Variants in LRRC8B observed in about 807,000 individuals in gnomAD.
LRRC8B encodes leucine rich repeat containing 8 VRAC subunit B.
Under a neutral mutation model 58.8 loss-of-function variants are expected in LRRC8B, and 23 were observed. The observed-to-expected ratio is 0.39, with a 90% CI of 0.28 to 0.55. The LOEUF (loss-of-function observed/expected upper bound fraction) is 0.55, where lower values mean the gene tolerates loss of function less well. LRRC8B is among the 20% of genes least tolerant of loss of function. The probability of loss-of-function intolerance (pLI) is 0.62; values close to 1 mark genes in which losing one functional copy is unlikely to be tolerated. For missense variants in LRRC8B, 694 were observed against 936.0 expected, an observed-to-expected ratio of 0.74 and a Z score of 3.37; for synonymous variants, 359 against 374.1, an observed-to-expected ratio of 0.96 and a Z score of 0.47.
At chr1:89,560,389 C>CTT (rs35250299) in intron 1 of LRRC8B, among the ~76,000 whole-genome samples, 39 of 148,806 alleles carry the variant, frequency 2.6e-4, no homozygotes, top group Admixed American at 1.1e-3. Context: ...TTTGGTATAT[C>CTT]TTTTTTTTTT....
rs1654060683 is a variant in LRRC8B, at chr1:89,579,265, TG to T, written c.-124-323del. On this transcript the variant is annotated intron_variant, in intron 3 of 5. Transcript: ENST00000330947. Reference sequence around the variant, plus strand: ...AAAATATGTTGTGTTTAAATTGCTGTGGGAACTAACCTGTAATTGAAAGGAA... The same window carrying T: ...AAAATATGTTGTGTTTAAATTGCTGTGGAACTAACCTGTAATTGAAAGGAA... Among the ~76,000 whole-genome samples the T allele has an allele frequency of 2.0e-5, 3 of 152,364 alleles. No homozygotes were observed. The South Asian group carries it at 6.2e-4, about 32-fold the overall frequency.
chr1:89,573,959 C>A (rs926331407), intron 3 of LRRC8B, among the ~76,000 whole-genome samples: 1 of 152,212 alleles, frequency 6.6e-6, no homozygotes, highest in African/African-American at 2.4e-5. Context: ...TAGAATGTGG[C>A]AGAAATGGTG....
At chr1:89,543,904 C>T (rs1032488941) in intron 1 of LRRC8B, among the ~76,000 whole-genome samples, 4 of 152,100 alleles carry the variant, frequency 2.6e-5, no homozygotes, top group African/African-American at 9.7e-5. Context: ...CCTCCTGCCT[C>T]AGCTTCCTGA....
chr1:89,529,437 A>T (rs1398768098), intron 1 of LRRC8B, among the ~76,000 whole-genome samples: 1 of 152,112 alleles, frequency 6.6e-6, no homozygotes, highest in African/African-American at 2.4e-5. Flanking sequence ...TGTGAAATCA[A>T]ATAGATCTGG....
At position 89,526,238 on chromosome 1, in the gene LRRC8B, G is replaced by T. The variant is rs866658760; in HGVS notation, c.-241+1216G>T. 1.3e-5 allele frequency among the ~76,000 whole-genome samples: 2 copies of T among 152,194 alleles called. 1 individual carries two copies. The highest frequency in any genetic ancestry group is 6.8e-3 in the Middle Eastern group (2 of 292). The stretch of plus-strand genomic sequence containing the variant: ...TTGTTTCTTTGTTTTGTTTTGAGAC[G>T]GAGTCTCACTCTGTCGCCCAGGCTG... On this transcript the variant is annotated intron_variant, in intron 1 of 5. Transcript: ENST00000330947.
intron 3 of LRRC8B, among the ~76,000 whole-genome samples, chr1:89,569,294 A>C (rs1250597626): frequency 6.6e-6 from 1 of 152,088 alleles, no homozygotes; most frequent in Non-Finnish European, 1.5e-5. Context: ...GTTAACTATA[A>C]ATTTTTTTTA....
chr1:89,529,116 G>A (rs1649917352), intron 1 of LRRC8B, among the ~76,000 whole-genome samples: 1 of 152,148 alleles, frequency 6.6e-6, no homozygotes. Flanking sequence ...CTTTCTCACA[G>A]GAGTCTTAGG....
chr1:89,526,148 A>G (rs1160909567), intron 1 of LRRC8B, among the ~76,000 whole-genome samples: 3 of 152,206 alleles, frequency 2.0e-5, no homozygotes, highest in Non-Finnish European at 4.4e-5. Context: ...GTAATTTTTT[A>G]AACAATTCCA....
intron 3 of LRRC8B, among the ~76,000 whole-genome samples, chr1:89,570,724 C>G (rs1170723470): frequency 6.6e-6 from 1 of 152,078 alleles, no homozygotes; most frequent in Non-Finnish European, 1.5e-5. Flanking sequence ...TTAATTAGAT[C>G]CATTTGTCAA....
intron 1 of LRRC8B, among the ~76,000 whole-genome samples, chr1:89,566,254 C>T (rs747381287): frequency 5.3e-5 from 8 of 152,128 alleles, no homozygotes; most frequent in East Asian, 1.9e-4. Context: ...CTTCCTGGAA[C>T]GCAGATGAAG....
intron 1 of LRRC8B, among the ~76,000 whole-genome samples, chr1:89,552,720 C>T (rs1291146575): frequency 6.6e-6 from 1 of 152,162 alleles, no homozygotes; most frequent in Admixed American, 6.6e-5. Flanking sequence ...AAAATGATTG[C>T]TTAACCCTGC....
chr1:89,527,032 G>A (rs982472017), intron 1 of LRRC8B: 4 of 152,178 alleles, frequency 2.6e-5, no homozygotes, highest in Non-Finnish European at 5.9e-5. Flanking sequence ...AGGATACTAA[G>A]CCTTCCAAGT....
intron 1 of LRRC8B, among the ~76,000 whole-genome samples, chr1:89,567,742 A>G (rs1438332875): frequency 6.6e-6 from 1 of 152,062 alleles, no homozygotes; most frequent in African/African-American, 2.4e-5. Context: ...AGTATATGCA[A>G]AAAAAACATA....
chr1:89,581,509 T>C (rs2045581), intron 4 of LRRC8B, among the ~76,000 whole-genome samples: 61,816 of 152,028 alleles, frequency 0.41, 13,818 homozygotes, highest in South Asian at 0.55. Context: ...TTCCTTTTAC[T>C]TTACTCTGTG....
At chr1:89,528,871 A>G (rs1246769454) in intron 1 of LRRC8B, among the ~76,000 whole-genome samples, 1 of 152,220 alleles carries the variant, frequency 6.6e-6, no homozygotes, top group Non-Finnish European at 1.5e-5. Flanking sequence ...CTCTGAAGGA[A>G]AATTCCTGGA....
At chr1:89,582,211 CAA>C (rs367553054) in intron 4 of LRRC8B, among the ~76,000 whole-genome samples, 1 of 135,346 alleles carries the variant, frequency 7.4e-6, no homozygotes, top group Non-Finnish European at 1.6e-5. Context: ...GACCCTGTCT[CAA>C]AAAAAAAAGG....
intron 3 of LRRC8B, among the ~76,000 whole-genome samples, chr1:89,577,329 G>C (rs954030855): frequency 1.6e-4 from 25 of 152,174 alleles, no homozygotes; most frequent in African/African-American, 6.0e-4. Context: ...TGATGTTACA[G>C]TCTTAGAGAC....
chr1:89,533,798 C>T (rs1279187746), intron 1 of LRRC8B, among the ~76,000 whole-genome samples: 8 of 152,152 alleles, frequency 5.3e-5, no homozygotes, highest in Non-Finnish European at 1.0e-4. Context: ...ATACAATTAG[C>T]ATAATTATTA....
chr1:89,559,308 A>G (rs1275996735), intron 1 of LRRC8B, among the ~76,000 whole-genome samples: 2 of 152,108 alleles, frequency 1.3e-5, no homozygotes, highest in African/African-American at 2.4e-5. Context: ...AGCTAGTATT[A>G]GGAACCTTCC....
Sources: allele counts gnomAD v4.1 joint callset (sites outside exome capture counted in the v4.1 genomes callset), GRCh38; gene constraint gnomAD v4.1.1; transcripts MANE v1.5; gene names NCBI Gene and HGNC (gene_info 2026-07-23, HGNC 2026-07-21).